Variants in RAB3GAP1 observed in about 807,000 individuals in gnomAD.
The protein encoded by RAB3GAP1 is rab3 GTPase-activating protein catalytic subunit.
Under a neutral mutation model 130.7 loss-of-function variants are expected in RAB3GAP1, and 86 were observed. The ratio of observed to expected loss-of-function variants is 0.66; its 90% CI spans 0.55 to 0.79. The LOEUF is 0.79. Ranked by LOEUF, RAB3GAP1 falls within the 30% of genes least tolerant of loss-of-function variation. RAB3GAP1 has a pLI of 0.00. For missense variants in RAB3GAP1, 1,029 were observed against 1,169.4 expected (o/e 0.88, Z 1.75); for synonymous variants, 367 against 401.7 (o/e 0.91, Z 1.03).
intron 2 of RAB3GAP1, among the ~76,000 whole-genome samples, chr2:135,056,216 A>G (rs1689005636): frequency 7.0e-6 from 1 of 143,496 alleles, no homozygotes; most frequent in Non-Finnish European, 1.5e-5. Flanking sequence ...TTTCTTTTTT[A>G]TTTTGAGACA....
intron 5 of RAB3GAP1, among the ~76,000 whole-genome samples, chr2:135,096,982 G>A (rs114533780): frequency 1.1e-4 from 16 of 152,154 alleles, no homozygotes; most frequent in South Asian, 2.1e-4. Context: ...TGTTAGTAGG[G>A]TGGTTTTTGT....
intron 15 of RAB3GAP1, among the ~76,000 whole-genome samples, chr2:135,134,246 TTAAA>T (rs1287698354): frequency 6.6e-5 from 10 of 152,080 alleles, no homozygotes; most frequent in Non-Finnish European, 1.5e-5. Flanking sequence ...AAAAGAATAG[TTAAA>T]TAAATTATAC....
chr2:135,081,426 G>A (rs1454493865), intron 3 of RAB3GAP1, among the ~76,000 whole-genome samples: 2 of 141,928 alleles, frequency 1.4e-5, no homozygotes, highest in Non-Finnish European at 3.0e-5. Flanking sequence ...GTGTGTGTGT[G>A]TATGTGTATA....
At chr2:135,093,838 G>T (rs567309832) in intron 5 of RAB3GAP1, 145 bp downstream of exon 5, 3 of 726,848 alleles carry the variant, frequency 4.1e-6, no homozygotes, top group African/African-American at 3.5e-5. Flanking sequence ...AGGATACAGG[G>T]CAAAATCTGC....
downstream of RAB3GAP1, among the ~76,000 whole-genome samples, chr2:135,171,988 G>T (rs1692867352): frequency 6.6e-6 from 1 of 152,158 alleles, no homozygotes; most frequent in Admixed American, 6.5e-5. Flanking sequence ...TGGCTGAAGG[G>T]GAGTGAGGGG....
chr2:135,164,565 C>G (rs749406206), intron 22 of RAB3GAP1, 29 bp from the exon 23 acceptor site: 14 of 1,554,382 alleles, frequency 9.0e-6, no homozygotes, highest in Non-Finnish European at 9.8e-6. Context: ...TCACTTTCCA[C>G]CCTTTCATTG....
chr2:135,152,438 G>A (rs1692202947), intron 18 of RAB3GAP1, among the ~76,000 whole-genome samples: 1 of 152,228 alleles, frequency 6.6e-6, no homozygotes, highest in Non-Finnish European at 1.5e-5. Flanking sequence ...TAGTGTATGA[G>A]TGAATATTAT....
intron 2 of RAB3GAP1, among the ~76,000 whole-genome samples, chr2:135,056,783 A>C (rs946876966): frequency 6.6e-6 from 1 of 152,212 alleles, no homozygotes; most frequent in Non-Finnish European, 1.5e-5. Flanking sequence ...GTATGAATTG[A>C]TACTGCATTT....
Position 135,169,916 on chromosome 2 carries a change from A to C in RAB3GAP1, c.*1135A>C. The C allele has an allele frequency of 3.0e-6, 1 of 336,836 alleles. No individual in the cohort carries two copies. 20.9% of individuals were successfully genotyped at this position (336,836 alleles called of 1,614,324 possible). ...GTAAAAATGGTTATACTGAAGCATA[A>C]ACCTTGCCTGTGTAATTTTAAAAAA... On this transcript the variant is annotated 3_prime_UTR_variant, in exon 24 of 24. Coordinates refer to ENST00000264158, the MANE Select transcript of RAB3GAP1 (RefSeq NM_012233.3).
intron 17 of RAB3GAP1, among the ~76,000 whole-genome samples, chr2:135,149,662 T>C (rs1239560347): frequency 1.3e-5 from 2 of 151,570 alleles, no homozygotes; most frequent in African/African-American, 2.4e-5. Context: ...GTTAGAGCAA[T>C]TTTTTTTTGG....
chr2:135,090,038 T>C (rs1690101177), intron 3 of RAB3GAP1, among the ~76,000 whole-genome samples: 1 of 152,198 alleles, frequency 6.6e-6, no homozygotes, highest in Non-Finnish European at 1.5e-5. Context: ...TATAGCTATG[T>C]AATAAACCTG....
Position 135,124,210 on chromosome 2 carries a change from G to A in RAB3GAP1, c.794G>A (p.Gly265Asp). 1 of 1,614,148 alleles carries A rather than the reference G, an allele frequency of 6.2e-7. No individual in the cohort carries two copies. Among genetic ancestry groups the A allele is most frequent in the Non-Finnish European group, 8.5e-7 (1 of 1,180,000 alleles). The change falls in exon 9 of 24, where the codon GGC (glycine) becomes GAC (aspartate). Residue 265 changes from glycine (G) to aspartate (D), a missense_variant. Gly to Asp is a moderately conservative substitution (Grantham distance 94, BLOSUM62 -1). Transcript: ENST00000264158. Reference sequence around the variant, plus strand: ...GGAGAAGTTGGAGGCTTGGAGTTTGGCAAGTTACCATTTGGTGCCTGCGAA... The same window carrying A: ...GGAGAAGTTGGAGGCTTGGAGTTTGACAAGTTACCATTTGGTGCCTGCGAA... ...VGGEVGGLEF[G>D]KLPFGACEDP...
Position 135,164,716 on chromosome 2 carries a change from G to T in RAB3GAP1, c.2709+20G>T. 3 of 1,559,450 alleles carry T rather than the reference G, an allele frequency of 1.9e-6. No individual in the cohort carries two copies. The South Asian group carries it at 3.4e-5, about 18-fold the overall frequency. On this transcript the variant is annotated intron_variant, in intron 23 of 23. Transcript: ENST00000264158. ...CAGAGGGTATGTGAGAGTCATTATT[G>T]ACTCCATCATAATCTCTCCAAACCT...
intron 3 of RAB3GAP1, among the ~76,000 whole-genome samples, chr2:135,081,328 A>ATATATG (rs1689801351): frequency 1.8e-5 from 1 of 55,406 alleles, no homozygotes; most frequent in African/African-American, 1.1e-4. Flanking sequence ...AAAAAAAAAA[A>ATATATG]TATATATATA....
chr2:135,134,048 T>C lies in RAB3GAP1; in HGVS notation c.1499+15T>C. 1.2e-6 allele frequency: 2 copies of C among 1,613,386 alleles called. No individual in the cohort carries two copies. Among genetic ancestry groups the C allele is most frequent in the Non-Finnish European group, 1.7e-6 (2 of 1,179,476 alleles). On this transcript the variant is annotated intron_variant, in intron 15 of 23. Transcript: ENST00000264158. ...CTGATTCCAGGGTAATAATTTCAAT[T>C]TTCAATTGTTTGGATACGATTTTGT...
intron 3 of RAB3GAP1, among the ~76,000 whole-genome samples, chr2:135,080,959 C>T (rs984328395): frequency 1.3e-5 from 2 of 152,022 alleles, no homozygotes; most frequent in East Asian, 1.9e-4. Context: ...TAGATGACTG[C>T]GTTGTTTTTG....
intron 17 of RAB3GAP1, among the ~76,000 whole-genome samples, chr2:135,144,093 A>G (rs1244260616): frequency 6.6e-6 from 1 of 152,168 alleles, no homozygotes; most frequent in Non-Finnish European, 1.5e-5. Flanking sequence ...AGGCTTGTGC[A>G]CCAGCTTAGC....
At chr2:135,105,299 C>T (rs1314461283) in intron 5 of RAB3GAP1, among the ~76,000 whole-genome samples, 1 of 146,568 alleles carries the variant, frequency 6.8e-6, no homozygotes, top group South Asian at 2.3e-4. Flanking sequence ...CTGGACTGTA[C>T]TGCCGCCATC....
At chr2:135,056,030 G>A (rs1186764999) in intron 2 of RAB3GAP1, among the ~76,000 whole-genome samples, 1 of 151,446 alleles carries the variant, frequency 6.6e-6, no homozygotes, top group East Asian at 2.0e-4. Context: ...TAGTGGCGGG[G>A]TTTCACTGTG....
Sources: allele counts gnomAD v4.1 joint callset (sites outside exome capture counted in the v4.1 genomes callset), GRCh38; gene constraint gnomAD v4.1.1; transcripts MANE v1.5; gene names NCBI Gene and HGNC (gene_info 2026-07-23, HGNC 2026-07-21).